The following FREM1 variants were observed in gnomAD, a reference collection of about 807,000 sequenced individuals.
The protein encoded by FREM1 is FRAS1 related extracellular matrix 1.
FREM1 carries 220 observed loss-of-function variants against 210.1 expected under a neutral mutation model. The observed-to-expected ratio is 1.05, with a 90% confidence interval of 0.94 to 1.17. The LOEUF is 1.17. Ranked by LOEUF, FREM1 falls within the 50% of genes most tolerant of loss-of-function variation. The probability of loss-of-function intolerance (pLI) is 0.00; values close to 1 mark genes in which losing one functional copy is unlikely to be tolerated. For missense variants in FREM1, 3,454 were observed against 2,675.5 expected (o/e 1.29, Z -6.42); for synonymous variants, 1,189 against 980.2 (o/e 1.21, Z -3.98).
intron 7 of FREM1, among the ~76,000 whole-genome samples, chr9:14,847,478 A>T (rs1173420646): frequency 7.2e-6 from 1 of 139,022 alleles, no homozygotes; most frequent in Non-Finnish European, 1.6e-5. Flanking sequence ...GAAGAAATGG[A>T]CAGAAGTGCA....
At chr9:14,786,017 T>C (rs1850374540) in intron 23 of FREM1, among the ~76,000 whole-genome samples, 2 of 152,172 alleles carry the variant, frequency 1.3e-5, no homozygotes, top group Non-Finnish European at 2.9e-5. Flanking sequence ...GGGACCATAA[T>C]TGAATTTTGT....
chr9:14,830,089 T>C (rs766345143), intron 10 of FREM1, among the ~76,000 whole-genome samples: 3 of 152,110 alleles, frequency 2.0e-5, no homozygotes, highest in Non-Finnish European at 4.4e-5. Context: ...ACTAACAGTG[T>C]AAGTAGTTCC....
Position 14,867,176 on chromosome 9 carries a change from C to A in FREM1, c.234+1568G>T, listed in dbSNP as rs1425287145. On this transcript the variant is annotated intron_variant, in intron 2 of 36. Transcript: ENST00000380880. ...CAACCAGCCTGCATTTTCCTTTCGACCCCAGTCCCTGTAGTTGGGTCTCTA... is the reference window on the plus strand; with the variant it reads ...CAACCAGCCTGCATTTTCCTTTCGAACCCAGTCCCTGTAGTTGGGTCTCTA... 2.0e-5 allele frequency among the ~76,000 whole-genome samples: 3 copies of A among 152,134 alleles called. No homozygotes were observed. The East Asian group carries it at 5.8e-4, about 29-fold the overall frequency.
At chr9:14,757,216 G>C (rs1388731971) in intron 28 of FREM1, among the ~76,000 whole-genome samples, 1 of 152,220 alleles carries the variant, frequency 6.6e-6, no homozygotes, top group African/African-American at 2.4e-5. Context: ...GCGCTCTGAA[G>C]TCATGGCCTT....
At chr9:14,808,973 A>C (rs551230668) in intron 16 of FREM1, among the ~76,000 whole-genome samples, 2 of 152,326 alleles carry the variant, frequency 1.3e-5, no homozygotes, top group South Asian at 2.1e-4. Context: ...TCAAGAAGGC[A>C]GTGATACGGT....
chr9:14,806,664 T>C lies in FREM1; in HGVS notation c.3271A>G (p.Ile1091Val), dbSNP rs1361312391. ...TGGTGACGAAGCTACAGCTTACCTA[T>C]ACTTATGCCAATATTGCTTTTTTCA... ...GFEKSNIGIS[I>V]DSFQWKDMNA... The change falls in exon 18 of 37, where the codon ATA becomes GTA. Residue 1091 changes from isoleucine to valine, a missense_variant. Coordinates refer to ENST00000380880, the MANE Select transcript of FREM1 (RefSeq NM_001379081.2). The C allele has an allele frequency of 6.4e-7, 1 of 1,568,628 alleles. No homozygotes were observed.
chr9:14,816,436 T>C (rs921723399), intron 15 of FREM1, among the ~76,000 whole-genome samples: 5 of 152,138 alleles, frequency 3.3e-5, no homozygotes, highest in African/African-American at 1.2e-4. Flanking sequence ...GATTTTAATG[T>C]GTCCCCAGAA....
chr9:14,852,015 A>C (rs1029523290), intron 5 of FREM1, among the ~76,000 whole-genome samples: 1 of 152,206 alleles, frequency 6.6e-6, no homozygotes, highest in Admixed American at 6.5e-5. Context: ...TGAAAATATT[A>C]ATACTAGACT....
intron 27 of FREM1, among the ~76,000 whole-genome samples, chr9:14,767,848 C>G (rs996795238): frequency 9.2e-5 from 14 of 152,048 alleles, no homozygotes; most frequent in African/African-American, 3.4e-4. Flanking sequence ...CTATATTACC[C>G]CTTGGTAGGC....
intron 1 of FREM1, among the ~76,000 whole-genome samples, chr9:14,900,053 A>T (rs1414125224): frequency 6.6e-6 from 1 of 152,180 alleles, no homozygotes; most frequent in East Asian, 1.9e-4. Context: ...CTGCAAATAA[A>T]CTTCACACTC....
chr9:14,798,053 T>A (rs1033766435), intron 20 of FREM1, among the ~76,000 whole-genome samples: 9 of 152,110 alleles, frequency 5.9e-5, no homozygotes, highest in Non-Finnish European at 8.8e-5. Context: ...CTGTTTTTTT[T>A]AAATCTACCT....
intron 16 of FREM1, among the ~76,000 whole-genome samples, chr9:14,812,304 T>C (rs1049773568): frequency 6.6e-6 from 1 of 152,226 alleles, no homozygotes. Context: ...TCTGTACATC[T>C]AACCTGTGTT....
At chr9:14,900,966 C>A (rs540161434) in intron 1 of FREM1, among the ~76,000 whole-genome samples, 1 of 152,242 alleles carries the variant, frequency 6.6e-6, no homozygotes, top group African/African-American at 2.4e-5. Flanking sequence ...GGAAGCAAAG[C>A]CTAAAATGAA....
chr9:14,860,551 A>G lies in FREM1; in HGVS notation c.330-1067T>C, dbSNP rs545457910. ...TAGGTATGTATATATATACACATAT[A>G]TATACACACATATATATACACATAT... On this transcript the variant is annotated intron_variant, in intron 3 of 36. Transcript: ENST00000380880. Among the ~76,000 whole-genome samples, 232 of 120,072 alleles carry G rather than the reference A, an allele frequency of 1.9e-3. 14 individuals carry two copies. The highest frequency in any genetic ancestry group is 6.8e-4 in the African/African-American group (18 of 26,586). The allele number at this position is 120,072 out of a possible 152,430, so 78.8% of individuals were successfully genotyped here. A position where few individuals can be genotyped will look rare whatever the true frequency, so the allele number is the denominator to read the frequency against.
intron 5 of FREM1, among the ~76,000 whole-genome samples, chr9:14,853,772 GT>G (rs1828203908): frequency 6.6e-6 from 1 of 152,210 alleles, no homozygotes; most frequent in South Asian, 2.1e-4. Flanking sequence ...ATGTCCCAGG[GT>G]TTAGAGTATC....
intron 28 of FREM1, among the ~76,000 whole-genome samples, chr9:14,757,010 A>G (rs972267811): frequency 1.1e-4 from 17 of 152,122 alleles, no homozygotes; most frequent in Admixed American, 1.0e-3. Context: ...ATGAAAGGAG[A>G]GTTTTGTGGA....
At chr9:14,905,812 AC>A (rs1588689977) in intron 1 of FREM1, among the ~76,000 whole-genome samples, 1 of 152,096 alleles carries the variant, frequency 6.6e-6, no homozygotes, top group Non-Finnish European at 1.5e-5. Flanking sequence ...AATGGCTTGA[AC>A]CAGGGAGGCA....
chr9:14,769,522 C>T (rs1167955127), intron 27 of FREM1, among the ~76,000 whole-genome samples: 1 of 152,136 alleles, frequency 6.6e-6, no homozygotes, highest in East Asian at 1.9e-4. Flanking sequence ...TGTTTCTGTA[C>T]TCTGTAAAGC....
intron 8 of FREM1, among the ~76,000 whole-genome samples, chr9:14,844,954 A>G (rs900018846): frequency 4.6e-5 from 7 of 152,206 alleles, no homozygotes; most frequent in Admixed American, 2.0e-4. Context: ...TGACTGGTAT[A>G]CCCAGATTTA....
Sources: gnomAD v4.1 joint callset for allele counts (sites outside exome capture counted in the v4.1 genomes callset) on GRCh38, gnomAD v4.1.1 for gene constraint, MANE v1.5 for transcripts, NCBI Gene and HGNC (gene_info 2026-07-23, HGNC 2026-07-21) for gene names.